Variants in MAN2A1 observed in about 807,000 individuals in gnomAD.
The protein encoded by MAN2A1 is alpha-mannosidase 2.
A neutral mutation model predicts 142.6 loss-of-function variants in MAN2A1; 76 were observed. The observed-to-expected ratio is 0.53, with a 90% CI of 0.44 to 0.65. The LOEUF is 0.65. Among genes scored for constraint, MAN2A1 ranks in the 30% least tolerant of loss-of-function variants. MAN2A1 has a pLI of 0.00. For synonymous variants in MAN2A1, 559 were observed against 473.2 expected (o/e 1.18, Z -2.35); for missense variants, 1,311 against 1,365.1 (o/e 0.96, Z 0.62).
chr5:109,796,066 C>CTGTTGAATTACATAAAAACCCTTTTTTA (rs1365295241), intron 12 of MAN2A1, among the ~76,000 whole-genome samples: 5 of 152,124 alleles, frequency 3.3e-5, no homozygotes, highest in African/African-American at 1.2e-4. Flanking sequence ...TTTTATTACG[C>CTGTTGAATTACATAAAAACCCTTTTTTA]TGTTGAATTA....
chr5:109,692,750 C>G (rs1235560048), intron 1 of MAN2A1, among the ~76,000 whole-genome samples: 1 of 138,772 alleles, frequency 7.2e-6, no homozygotes, highest in Non-Finnish European at 1.5e-5. Context: ...TTTTTGGTAC[C>G]AGGGACTGGT....
At chr5:109,864,974 G>A in intron 20 of MAN2A1, 62 bp from the exon 21 acceptor site, 1 of 1,098,654 alleles carries the variant, frequency 9.1e-7, no homozygotes, top group Non-Finnish European at 1.4e-6. Context: ...AGTGGTGTGT[G>A]AAGTACCATA....
intron 20 of MAN2A1, 79 bp downstream of exon 20, chr5:109,855,413 A>G: frequency 2.3e-6 from 2 of 861,544 alleles, no homozygotes; most frequent in Non-Finnish European, 3.3e-6. Context: ...AGGAGAAAAA[A>G]ATAATGTATG....
chr5:109,780,882 T>C (rs1753438116), intron 8 of MAN2A1, among the ~76,000 whole-genome samples: 1 of 152,134 alleles, frequency 6.6e-6, no homozygotes, highest in African/African-American at 2.4e-5. Context: ...TAAAGTCCCT[T>C]CTCCTTCACA....
At chr5:109,708,608 T>C (rs112355818) in intron 1 of MAN2A1, among the ~76,000 whole-genome samples, 2,739 of 151,480 alleles carry the variant, frequency 0.018, 32 homozygotes, top group Middle Eastern at 0.072. Context: ...AGTTCCACTA[T>C]TGGCCATCTG....
intron 4 of MAN2A1, among the ~76,000 whole-genome samples, chr5:109,746,572 GTTT>G (rs34492008): frequency 2.4e-5 from 3 of 126,074 alleles, no homozygotes; most frequent in East Asian, 2.3e-4. Flanking sequence ...CATTGTGCTG[GTTT>G]TTTTTTTTTT....
intron 16 of MAN2A1, among the ~76,000 whole-genome samples, chr5:109,831,041 A>G (rs1254183633): frequency 6.6e-6 from 1 of 152,178 alleles, no homozygotes; most frequent in South Asian, 2.1e-4. Flanking sequence ...GAGATATGTA[A>G]TGGCTCAGAG....
At chr5:109,863,496 A>G (rs529468146) in intron 20 of MAN2A1, 1 of 152,362 alleles carries the variant, frequency 6.6e-6, no homozygotes, top group Non-Finnish European at 1.5e-5. Flanking sequence ...CTCTTACTAC[A>G]CAGCTCGTGC....
At chr5:109,780,269 C>T (rs1290385647) in intron 8 of MAN2A1, among the ~76,000 whole-genome samples, 1 of 151,982 alleles carries the variant, frequency 6.6e-6, no homozygotes, top group Non-Finnish European at 1.5e-5. Context: ...CTGTGTTAGC[C>T]AGGATGGTCT....
rs147242473 is a variant in MAN2A1 at position 109,761,211 on chromosome 5, T to C, written c.835+5755T>C. Among the ~76,000 whole-genome samples, 1,508 of 151,586 alleles carry C rather than the reference T, an allele frequency of 9.9e-3. 39 individuals carry two copies. Among genetic ancestry groups the C allele is most frequent in the African/African-American group, 0.034 (1,413 of 41,464 alleles). ...TGAAAATTATCTTTTTAAATACTTA[T>C]AGTATTTAGACTATATGTCTGTTTA... On this transcript the variant is annotated intron_variant, in intron 5 of 21. Transcript: ENST00000261483.
intron 3 of MAN2A1, 68 bp downstream of exon 3, chr5:109,716,332 A>G: frequency 2.2e-6 from 3 of 1,344,528 alleles, no homozygotes; most frequent in Non-Finnish European, 3.1e-6. Flanking sequence ...TTTTAATGAG[A>G]ATCTGGTAGA....
intron 2 of MAN2A1, 43 bp downstream of exon 2, chr5:109,713,817 T>C (rs202037587): frequency 9.0e-6 from 14 of 1,558,096 alleles, no homozygotes; most frequent in Non-Finnish European, 1.2e-5. Flanking sequence ...TTTTTTTTTT[T>C]TTGTTCTTTT....
At chr5:109,755,216 G>T in intron 4 of MAN2A1, 113 bp from the exon 5 acceptor site, 1 of 789,318 alleles carries the variant, frequency 1.3e-6, no homozygotes, top group African/African-American at 1.7e-5. Context: ...TTGACAACTA[G>T]TATACATACT....
intron 1 of MAN2A1, among the ~76,000 whole-genome samples, chr5:109,704,179 G>T (rs532603176): frequency 6.6e-6 from 1 of 152,320 alleles, no homozygotes; most frequent in African/African-American, 2.4e-5. Context: ...GGGATGTTGG[G>T]CTTGGAGTCC....
At chr5:109,736,840 A>G (rs1304192189) in intron 4 of MAN2A1, among the ~76,000 whole-genome samples, 5 of 152,130 alleles carry the variant, frequency 3.3e-5, no homozygotes, top group Non-Finnish European at 7.4e-5. Flanking sequence ...ATGCTAAATG[A>G]GCCAGTCCAC....
At chr5:109,697,467 A>G (rs1750847077) in intron 1 of MAN2A1, among the ~76,000 whole-genome samples, 1 of 152,198 alleles carries the variant, frequency 6.6e-6, no homozygotes, top group South Asian at 2.1e-4. Context: ...TTTTGTCTCC[A>G]AGGCCTCTGG....
intron 4 of MAN2A1, among the ~76,000 whole-genome samples, chr5:109,748,446 A>G (rs1403930189): frequency 2.2e-5 from 3 of 137,722 alleles, no homozygotes; most frequent in South Asian, 2.2e-4. Context: ...TTACAATTTT[A>G]TGCTAATAGG....
At chr5:109,865,012 T>A (rs1182978690) in intron 20 of MAN2A1, 24 bp from the exon 21 acceptor site, 1 of 1,504,014 alleles carries the variant, frequency 6.6e-7, no homozygotes, top group Non-Finnish European at 9.3e-7. Flanking sequence ...CTGCGCGGTG[T>A]GACTGCATTC....
At chr5:109,832,161 C>CTTGTTTTTTTT (rs1754924865) in intron 16 of MAN2A1, among the ~76,000 whole-genome samples, 1 of 51,230 alleles carries the variant, frequency 2.0e-5, no homozygotes, top group East Asian at 5.3e-4. Context: ...AAGGAGTTTT[C>CTTGTTTTTTTT]TTTTTTTTTT....
Sources: gnomAD v4.1 joint callset for allele counts (sites outside exome capture counted in the v4.1 genomes callset) on GRCh38, gnomAD v4.1.1 for gene constraint, MANE v1.5 for transcripts, NCBI Gene and HGNC (gene_info 2026-07-23, HGNC 2026-07-21) for gene names.